The following PCDHA11 variants were observed in gnomAD, a reference collection of about 807,000 sequenced individuals.
PCDHA11 encodes the protein protocadherin alpha 11.
A neutral mutation model predicts 70.3 loss-of-function variants in PCDHA11; 61 were observed. The observed-to-expected ratio is 0.87, with a 90% CI of 0.71 to 1.07. The LOEUF is 1.07. Ranked by LOEUF, PCDHA11 falls within the 50% of genes least tolerant of loss-of-function variation. The pLI is 0.00. For synonymous variants in PCDHA11, 633 were observed against 555.1 expected (o/e 1.14, Z -1.97); for missense variants, 1,324 against 1,237.5 (o/e 1.07, Z -1.05).
intron 1 of PCDHA11, among the ~76,000 whole-genome samples, chr5:140,941,777 T>C (rs903102270): frequency 6.6e-6 from 1 of 152,262 alleles, no homozygotes; most frequent in Admixed American, 6.5e-5. Context: ...ATTGTTTTAA[T>C]GTTTTACCCA....
At chr5:140,952,185 T>C (rs1354216964) in intron 1 of PCDHA11, among the ~76,000 whole-genome samples, 1 of 152,010 alleles carries the variant, frequency 6.6e-6, no homozygotes, top group Non-Finnish European at 1.5e-5. Context: ...GCTGCTCTCA[T>C]GGGTTGGTGT....
In PCDHA11 at chr5:140,870,439, G is replaced by C. The variant is rs374343977; in HGVS notation, c.1336G>C (p.Asp446His). 1 of 1,614,126 alleles carries C rather than the reference G, an allele frequency of 6.2e-7. No individual in the cohort carries two copies. Among genetic ancestry groups the C allele is most frequent in the African/African-American group, 1.3e-5 (1 of 74,950 alleles). ...GGCCAGGGTATCCGTGGAGGTGGCC[G>C]ACGTGAACGACAATGCGCCTGCGTT... The part of the protein sequence containing the change: ...ATARVSVEVA[D>H]VNDNAPAFAQ... Residue 446 changes from aspartate (D) to histidine (H), a missense_variant, in exon 1 of 4, where the codon GAC becomes CAC. Asp to His is a moderately conservative substitution (Grantham distance 81, BLOSUM62 -1). Transcript: ENST00000398640.
chr5:140,965,036 G>A (rs568573122), intron 1 of PCDHA11, among the ~76,000 whole-genome samples: 1 of 152,272 alleles, frequency 6.6e-6, no homozygotes, highest in African/African-American at 2.4e-5. Context: ...TTAACTGTCC[G>A]CTCTAGGAGG....
At chr5:140,918,793 A>G (rs155800) in intron 1 of PCDHA11, among the ~76,000 whole-genome samples, 49,687 of 146,416 alleles carry the variant, frequency 0.34, 8,402 homozygotes, top group East Asian at 0.54. Context: ...GACACAGCAA[A>G]AATGTGACAT....
chr5:140,939,560 T>C (rs2153641939), intron 1 of PCDHA11, among the ~76,000 whole-genome samples: 1 of 151,934 alleles, frequency 6.6e-6, no homozygotes, highest in African/African-American at 2.4e-5. Flanking sequence ...TGTATTAGTT[T>C]GGTTAATCAA....
At chr5:140,925,052 A>G (rs1221049582) in intron 1 of PCDHA11, among the ~76,000 whole-genome samples, 1 of 151,720 alleles carries the variant, frequency 6.6e-6, no homozygotes, top group African/African-American at 2.4e-5. Context: ...TTGAGACCAG[A>G]CTGGGCAACA....
At chr5:140,979,054 A>G (rs782082075) in intron 2 of PCDHA11, 47 bp downstream of exon 2, 6 of 1,607,592 alleles carry the variant, frequency 3.7e-6, no homozygotes, top group Non-Finnish European at 4.3e-6. Flanking sequence ...TTAACTTGGT[A>G]TGGCTCAGAT....
chr5:140,917,853 G>A (rs1187603480), intron 1 of PCDHA11, among the ~76,000 whole-genome samples: 1 of 151,906 alleles, frequency 6.6e-6, no homozygotes, highest in African/African-American at 2.4e-5. Flanking sequence ...TTTTTGCTTA[G>A]GATTGCTTTG....
intron 1 of PCDHA11, among the ~76,000 whole-genome samples, chr5:140,874,504 C>A (rs2054953142): frequency 6.6e-6 from 1 of 152,198 alleles, no homozygotes; most frequent in Admixed American, 6.5e-5. Flanking sequence ...AGTTCACATT[C>A]TCTTGACTTT....
chr5:140,908,351 AACTT>A (rs1422870011), intron 1 of PCDHA11, among the ~76,000 whole-genome samples: 5 of 152,154 alleles, frequency 3.3e-5, no homozygotes, highest in African/African-American at 1.2e-4. Context: ...TACCTCATGT[AACTT>A]ACTTGTGCCT....
intron 3 of PCDHA11, among the ~76,000 whole-genome samples, chr5:141,003,696 T>C (rs1554259206): frequency 6.6e-6 from 1 of 152,210 alleles, no homozygotes; most frequent in East Asian, 1.9e-4. Flanking sequence ...AATATATCCC[T>C]ACCAATTGTG....
intron 3 of PCDHA11, among the ~76,000 whole-genome samples, chr5:140,986,365 C>T (rs530102099): frequency 2.0e-5 from 3 of 152,194 alleles, no homozygotes; most frequent in Non-Finnish European, 2.9e-5. Flanking sequence ...TGGAGGAATG[C>T]GTTTTGGGGG....
At chr5:140,985,562 C>G (rs1477250763) in intron 3 of PCDHA11, among the ~76,000 whole-genome samples, 1 of 152,116 alleles carries the variant, frequency 6.6e-6, no homozygotes, top group Non-Finnish European at 1.5e-5. Flanking sequence ...CAAAAGGCTT[C>G]TTTCTGGTGC....
intron 1 of PCDHA11, among the ~76,000 whole-genome samples, chr5:140,910,519 G>T (rs187918127): frequency 4.6e-5 from 7 of 152,218 alleles, no homozygotes; most frequent in African/African-American, 4.8e-5. Flanking sequence ...AAGGATGCAG[G>T]TACTCCCCTC....
rs141028628 is a variant in PCDHA11 at position 140,891,378 on chromosome 5, T to A, written c.2391+19884T>A. Among the ~76,000 whole-genome samples the A allele has an allele frequency of 2.3e-4, 35 of 152,222 alleles. 1 individual carries two copies. The East Asian group carries it at 6.8e-3, about 29-fold the overall frequency. On this transcript the variant is annotated intron_variant, in intron 1 of 3. Coordinates refer to ENST00000398640, the MANE Select transcript of PCDHA11 (RefSeq NM_018902.5). ...CACCTGAGCAGTATACATTGCACCA[T>A]ATTTGCAATCTTTTATCCCTCGCCA...
At chr5:140,941,259 T>TTCTTTCTTTCTTTCTTTC (rs2092988682) in intron 1 of PCDHA11, among the ~76,000 whole-genome samples, 1 of 121,734 alleles carries the variant, frequency 8.2e-6, no homozygotes, top group Non-Finnish European at 1.8e-5. Flanking sequence ...TTCTTTCTCT[T>TTCTTTCTTTCTTTCTTTC]TCTTTCTTTC....
Position 140,927,036 on chromosome 5 carries a change from C to T in PCDHA11, c.2392-51913C>T, listed in dbSNP as rs137875923. 7.2e-5 allele frequency: 116 copies of T among 1,612,314 alleles called. No individual in the cohort carries two copies. In the African/African-American group the frequency reaches 1.3e-3, roughly 19 times the overall value. ...CCGCGGACTTGAGGCTGCCAGCGGC[C>T]GCTATGTCCTCGCGGAACTTTCGCT... On this transcript the variant is annotated intron_variant, in intron 1 of 3. Coordinates refer to ENST00000398640, the MANE Select transcript of PCDHA11 (RefSeq NM_018902.5).
At chr5:140,926,165 T>A (rs570168495) in intron 1 of PCDHA11, among the ~76,000 whole-genome samples, 31 of 151,794 alleles carry the variant, frequency 2.0e-4, no homozygotes, top group Admixed American at 1.5e-3. Flanking sequence ...TGCAGCAGGA[T>A]CCAGCGCGGA....
intron 1 of PCDHA11, among the ~76,000 whole-genome samples, chr5:140,895,206 A>G (rs948962776): frequency 6.6e-6 from 1 of 151,808 alleles, no homozygotes; most frequent in Non-Finnish European, 1.5e-5. Flanking sequence ...ATTTGCTTTT[A>G]TTTCTAATAT....
Sources: allele counts gnomAD v4.1 joint callset (sites outside exome capture counted in the v4.1 genomes callset), GRCh38; gene constraint gnomAD v4.1.1; transcripts MANE v1.5; gene names NCBI Gene and HGNC (gene_info 2026-07-23, HGNC 2026-07-21).